Variants in PCDHA6 observed in about 807,000 individuals in gnomAD.
PCDHA6 encodes the protein protocadherin alpha-6.
PCDHA6 carries 55 observed loss-of-function variants against 60.3 expected under a neutral mutation model. The ratio of observed to expected loss-of-function variants is 0.91; its 90% CI spans 0.73 to 1.14. The LOEUF (loss-of-function observed/expected upper bound fraction) is 1.14, where lower values mean the gene tolerates loss of function less well. Ranked by LOEUF, PCDHA6 falls within the 50% of genes most tolerant of loss-of-function variation. The pLI is 0.00. For synonymous variants in PCDHA6, 652 were observed against 557.9 expected (o/e 1.17, Z -2.38); for missense variants, 1,327 against 1,256.5 (o/e 1.06, Z -0.85).
intron 1 of PCDHA6, among the ~76,000 whole-genome samples, chr5:140,937,501 C>T (rs2091550832): frequency 6.6e-6 from 1 of 152,126 alleles, no homozygotes; most frequent in Admixed American, 6.5e-5. Context: ...CCCGTAATCC[C>T]AGCTACTCAG....
chr5:140,870,731 C>T (rs782095287), intron 1 of PCDHA6: 3 of 1,613,444 alleles, frequency 1.9e-6, no homozygotes, highest in Non-Finnish European at 2.5e-6. Context: ...GGCGTGCCGC[C>T]TCTGAGCAGC....
chr5:140,851,507 AAT>A, intron 1 of PCDHA6: 1 of 903,816 alleles, frequency 1.1e-6, no homozygotes, highest in Non-Finnish European at 1.3e-6. Flanking sequence ...ACTTATATAA[AAT>A]ATGTTTTAAA....
In PCDHA6 at chr5:140,828,617, G is replaced by C. The variant is rs2150157424; in HGVS notation, c.526G>C (p.Glu176Gln). Residue 176 changes from glutamate (E) to glutamine (Q), a missense_variant, in exon 1 of 4, where the codon GAA (glutamate) becomes CAA (glutamine). Transcript: ENST00000529310. ...CTTAACCTATAAACTCAGTTCTAGC[G>C]AATACTTCGGGCTAGATGTGAAAAT... ...SILTYKLSSS[E>Q]YFGLDVKINS... 6.2e-7 allele frequency: 1 copy of C among 1,614,158 alleles called. No individual in the cohort carries two copies.
chr5:140,983,054 G>A (rs933321433), intron 3 of PCDHA6, among the ~76,000 whole-genome samples: 1 of 151,858 alleles, frequency 6.6e-6, no homozygotes. Flanking sequence ...GAAAATTATC[G>A]GAACCAAGGC....
chr5:140,842,218 G>A, intron 1 of PCDHA6: 1 of 1,613,154 alleles, frequency 6.2e-7, no homozygotes, highest in Non-Finnish European at 8.5e-7. Context: ...ATCGAAATAC[G>A]GGAGAAATAG....
intron 1 of PCDHA6, among the ~76,000 whole-genome samples, chr5:140,904,286 T>A (rs2071021710): frequency 6.6e-6 from 1 of 152,150 alleles, no homozygotes; most frequent in South Asian, 2.1e-4. Context: ...ATGTGGTGTT[T>A]GGTTTTCCAT....
At chr5:140,960,186 G>A (rs2153724328) in intron 1 of PCDHA6, among the ~76,000 whole-genome samples, 1 of 152,260 alleles carries the variant, frequency 6.6e-6, no homozygotes, top group East Asian at 1.9e-4. Flanking sequence ...GGGGTTGCAT[G>A]TGTAGTGGTC....
chr5:140,876,928 A>G lies in PCDHA6; in HGVS notation c.2394+46443A>G, dbSNP rs188405716. On this transcript the variant is annotated intron_variant, in intron 1 of 3. Coordinates refer to ENST00000529310, the MANE Select transcript of PCDHA6 (RefSeq NM_018909.4). ...GTCGGCATGGGACGCGGACGCGCAG[A>G]AGAACGCGCTGGTGTCCTACTCGCT... The G allele has an allele frequency of 1.9e-5, 31 of 1,613,808 alleles. No individual in the cohort carries two copies. In the African/African-American group the frequency reaches 2.4e-4, roughly 12 times the overall value.
chr5:140,957,038 C>T (rs534661886), intron 1 of PCDHA6, among the ~76,000 whole-genome samples: 1 of 152,048 alleles, frequency 6.6e-6, no homozygotes, highest in South Asian at 2.1e-4. Context: ...TTATGGGAGT[C>T]ATATAAAATA....
intron 1 of PCDHA6, among the ~76,000 whole-genome samples, chr5:140,975,044 G>A (rs115613317): frequency 0.045 from 6,815 of 152,244 alleles, 210 homozygotes; most frequent in Non-Finnish European, 0.062. Flanking sequence ...AGGCTCTTAG[G>A]AAGAATCTAC....
chr5:140,857,662 T>A (rs782577621), intron 1 of PCDHA6: 2 of 1,596,528 alleles, frequency 1.3e-6, no homozygotes, highest in Non-Finnish European at 1.7e-6. Flanking sequence ...GCGCGCGCGA[T>A]GGGGGCGTGC....
In PCDHA6 at chr5:140,848,449, A is replaced by C. The variant is rs2150410589; in HGVS notation, c.2394+17964A>C. The C allele has an allele frequency of 8.6e-6, 13 of 1,509,804 alleles. 2 individuals are homozygous for C. In the Admixed American group the frequency reaches 2.4e-4, roughly 28 times the overall value. The allele number at this position is 1,509,804 out of a possible 1,614,324, so 93.5% of individuals were successfully genotyped here. On this transcript the variant is annotated intron_variant, in intron 1 of 3. Coordinates refer to ENST00000529310, the MANE Select transcript of PCDHA6 (RefSeq NM_018909.4). ...CTGACGAAATCAGATGATTTCTTCT[A>C]ATTTGGAGGCAATTTTCACTAATTA...
chr5:140,845,818 A>T (rs1554141021), intron 1 of PCDHA6, among the ~76,000 whole-genome samples: 2 of 149,728 alleles, frequency 1.3e-5, no homozygotes, highest in Admixed American at 1.3e-4. Flanking sequence ...ACATAATAAA[A>T]TTTAGTTATT....
intron 1 of PCDHA6, among the ~76,000 whole-genome samples, chr5:140,949,595 G>A (rs1342869045): frequency 1.3e-5 from 2 of 151,566 alleles, no homozygotes; most frequent in Admixed American, 6.6e-5. Context: ...TATTAATGTG[G>A]CCATTCTAGT....
At position 140,880,491 on chromosome 5, in the gene PCDHA6, A is replaced by G. The variant is rs570569134; in HGVS notation, c.2394+50006A>G. Among the ~76,000 whole-genome samples, 6 of 152,342 alleles carry G rather than the reference A, an allele frequency of 3.9e-5. No individual in the cohort carries two copies. In the South Asian group the frequency reaches 1.2e-3, roughly 32 times the overall value. On this transcript the variant is annotated intron_variant, in intron 1 of 3. Transcript: ENST00000529310. Reference sequence around the variant, plus strand: ...AGGAAAAATGACACAAGAAGAGAGCAATTGAATTTCTGTTTGGTCACATCT... The same window carrying G: ...AGGAAAAATGACACAAGAAGAGAGCGATTGAATTTCTGTTTGGTCACATCT...
chr5:140,874,567 G>A (rs2055003260), intron 1 of PCDHA6, among the ~76,000 whole-genome samples: 1 of 152,180 alleles, frequency 6.6e-6, no homozygotes, highest in African/African-American at 2.4e-5. Flanking sequence ...GCATTTTAGT[G>A]CTCCATTGTT....
chr5:140,836,281 C>G (rs2150256657), intron 1 of PCDHA6: 6 of 1,613,614 alleles, frequency 3.7e-6, no homozygotes, highest in Non-Finnish European at 4.2e-6. Flanking sequence ...GAGATCAGCA[C>G]GACACGAGCC....
chr5:140,920,180 T>C (rs1386784105), intron 1 of PCDHA6, among the ~76,000 whole-genome samples: 1 of 152,198 alleles, frequency 6.6e-6, no homozygotes, highest in Admixed American at 6.5e-5. Context: ...ACCCAGTGTG[T>C]AGTAATTTGT....
At chr5:140,958,530 A>G (rs1283308982) in intron 1 of PCDHA6, among the ~76,000 whole-genome samples, 1 of 152,188 alleles carries the variant, frequency 6.6e-6, no homozygotes, top group East Asian at 1.9e-4. Flanking sequence ...TACTATGTGT[A>G]CATTGATTTA....
Sources: gnomAD v4.1 joint callset for allele counts (sites outside exome capture counted in the v4.1 genomes callset) on GRCh38, gnomAD v4.1.1 for gene constraint, MANE v1.5 for transcripts, NCBI Gene and HGNC (gene_info 2026-07-23, HGNC 2026-07-21) for gene names.